FOXJ3: variants seen among roughly 807,000 people sequenced by gnomAD.
The protein encoded by FOXJ3 is forkhead box J3.
Under a neutral mutation model 76.1 loss-of-function variants are expected in FOXJ3, and 22 were observed. That is an observed-to-expected ratio of 0.29 (90% CI 0.21 to 0.41). The LOEUF (loss-of-function observed/expected upper bound fraction) is 0.41. FOXJ3 is among the 10% of genes least tolerant of loss of function. The probability of loss-of-function intolerance (pLI) is 1.00; values close to 1 mark genes in which losing one functional copy is unlikely to be tolerated. For synonymous variants in FOXJ3, 269 were observed against 261.2 expected, an observed-to-expected ratio of 1.03 and a Z score of -0.29; for missense variants, 613 against 762.1, an observed-to-expected ratio of 0.80 and a Z score of 2.30.
chr1:42,256,781 A>G (rs2124597127), intron 4 of FOXJ3, among the ~76,000 whole-genome samples: 2 of 152,380 alleles, frequency 1.3e-5, no homozygotes, highest in South Asian at 4.1e-4. Flanking sequence ...ATTTACTAGT[A>G]ATTCTTTATT....
chr1:42,198,875 C>T (rs1480960902), intron 7 of FOXJ3, among the ~76,000 whole-genome samples: 1 of 152,084 alleles, frequency 6.6e-6, no homozygotes, highest in African/African-American at 2.4e-5. Context: ...TAAAGTAGAC[C>T]AAAATCTGTT....
Position 42,300,283 on chromosome 1 carries a change from A to G in FOXJ3, c.44+10767T>C, listed in dbSNP as rs540088134. ...TTAGCTGCCTTAGAGTTTCAACTAT[A>G]TAACTGCTTTATAGACTCGGTGAGC... On this transcript the variant is annotated intron_variant, in intron 2 of 12. Coordinates refer to ENST00000361346, the MANE Select transcript of FOXJ3 (RefSeq NM_014947.5). Among the ~76,000 whole-genome samples the G allele has an allele frequency of 4.6e-5, 7 of 152,328 alleles. No individual in the cohort carries two copies. In the South Asian group the frequency reaches 1.5e-3, roughly 32 times the overall value.
At chr1:42,234,708 C>T (rs1403675860) in intron 4 of FOXJ3, among the ~76,000 whole-genome samples, 1 of 152,172 alleles carries the variant, frequency 6.6e-6, no homozygotes, top group Admixed American at 6.5e-5. Context: ...GGTTGCAGAA[C>T]AGCAGATATT....
chr1:42,278,151 T>A (rs1570137715), intron 3 of FOXJ3, among the ~76,000 whole-genome samples, 197 bp downstream of exon 3: 1 of 152,278 alleles, frequency 6.6e-6, no homozygotes, highest in East Asian at 1.9e-4. Flanking sequence ...TCCTATAACA[T>A]AATCAAGCTT....
rs939054469 is a variant in FOXJ3 at position 42,329,810 on chromosome 1, A to T, written c.-18+5249T>A. 3.3e-5 allele frequency among the ~76,000 whole-genome samples: 5 copies of T among 152,206 alleles called. No homozygotes were observed. The East Asian group carries it at 9.6e-4, about 29-fold the overall frequency. On this transcript the variant is annotated intron_variant, in intron 1 of 12. Transcript: ENST00000361346. ...GATGTCAAGTTAAAATTGCTGTTTAACTGTTTCCCCAACTACATTCAAAAT... is the reference window on the plus strand; with the variant it reads ...GATGTCAAGTTAAAATTGCTGTTTATCTGTTTCCCCAACTACATTCAAAAT...
chr1:42,323,419 AAC>A (rs1382406858), intron 1 of FOXJ3, among the ~76,000 whole-genome samples: 2 of 152,166 alleles, frequency 1.3e-5, no homozygotes, highest in African/African-American at 2.4e-5. Context: ...TACAACAACG[AAC>A]AGTTTTAATA....
chr1:42,325,540 A>C (rs917631525), intron 1 of FOXJ3, among the ~76,000 whole-genome samples: 2 of 152,182 alleles, frequency 1.3e-5, no homozygotes, highest in African/African-American at 4.8e-5. Context: ...CAAAAGAGGG[A>C]ACAGATGAGC....
intron 3 of FOXJ3, among the ~76,000 whole-genome samples, chr1:42,277,209 C>T (rs566309750): frequency 2.4e-4 from 36 of 152,028 alleles, no homozygotes; most frequent in Non-Finnish European, 4.6e-4. Context: ...TTTGGCAGGC[C>T]GAAGCAGGAG....
At chr1:42,331,569 G>A (rs571477263) in intron 1 of FOXJ3, among the ~76,000 whole-genome samples, 63 of 152,216 alleles carry the variant, frequency 4.1e-4, no homozygotes, top group South Asian at 2.3e-3. Context: ...ACAAAAGACC[G>A]TATGTTGTAT....
Position 42,281,888 on chromosome 1 carries a change from G to A in FOXJ3, c.45-3216C>T, listed in dbSNP as rs1027736804. ...AGTCTGACCAACATGGTGAAACCCC[G>A]TCTCTACTAAAAATACAAAAATTAG... is the stretch of plus-strand genomic sequence containing the variant. On this transcript the variant is annotated intron_variant, in intron 2 of 12. Transcript: ENST00000361346. Among the ~76,000 whole-genome samples the A allele has an allele frequency of 6.3e-4, 96 of 152,046 alleles. 1 individual carries two copies. Among genetic ancestry groups the A allele is most frequent in the African/African-American group, 1.4e-4 (6 of 41,484 alleles).
intron 1 of FOXJ3, among the ~76,000 whole-genome samples, chr1:42,328,363 G>A (rs1291493145): frequency 6.6e-6 from 1 of 152,190 alleles, no homozygotes; most frequent in Non-Finnish European, 1.5e-5. Context: ...ATTCAGAACA[G>A]AGTTCTCTAA....
At chr1:42,308,073 C>A (rs1229791018) in intron 2 of FOXJ3, among the ~76,000 whole-genome samples, 1 of 152,156 alleles carries the variant, frequency 6.6e-6, no homozygotes, top group South Asian at 2.1e-4. Flanking sequence ...TTCACTTATA[C>A]ACAAATTGTC....
chr1:42,301,503 T>C (rs1654148804), intron 2 of FOXJ3, among the ~76,000 whole-genome samples: 1 of 152,130 alleles, frequency 6.6e-6, no homozygotes, highest in Non-Finnish European at 1.5e-5. Flanking sequence ...ACACCGGACT[T>C]CGTTCACTTA....
chr1:42,245,971 G>A (rs2124543793), intron 4 of FOXJ3, among the ~76,000 whole-genome samples: 1 of 152,194 alleles, frequency 6.6e-6, no homozygotes, highest in East Asian at 1.9e-4. Flanking sequence ...TCCATAGGCA[G>A]AAGAATGCTC....
At chr1:42,238,887 T>C (rs987279279) in intron 4 of FOXJ3, among the ~76,000 whole-genome samples, 1 of 152,184 alleles carries the variant, frequency 6.6e-6, no homozygotes, top group African/African-American at 2.4e-5. Context: ...TAAATCTACC[T>C]GGGGAGGACT....
At chr1:42,321,141 T>C (rs897370557) in intron 1 of FOXJ3, among the ~76,000 whole-genome samples, 2 of 152,182 alleles carry the variant, frequency 1.3e-5, no homozygotes, top group Non-Finnish European at 1.5e-5. Context: ...TATAATCATT[T>C]ATATCCCATT....
intron 2 of FOXJ3, among the ~76,000 whole-genome samples, chr1:42,283,097 G>A (rs993941965): frequency 2.0e-5 from 3 of 152,148 alleles, no homozygotes; most frequent in Non-Finnish European, 4.4e-5. Flanking sequence ...AGCACAGACT[G>A]ACAGGCAGCT....
chr1:42,233,936 A>G (rs1267818115), intron 4 of FOXJ3, among the ~76,000 whole-genome samples: 1 of 151,914 alleles, frequency 6.6e-6, no homozygotes, highest in Non-Finnish European at 1.5e-5. Context: ...TGGGTTTGTC[A>G]TAGACAGCTC....
chr1:42,184,501 G>GA (rs2124137552), intron 11 of FOXJ3, among the ~76,000 whole-genome samples: 1 of 152,100 alleles, frequency 6.6e-6, no homozygotes, highest in East Asian at 1.9e-4. Context: ...TATAGAGTCT[G>GA]AATGAGTGTA....
Sources: gnomAD v4.1 joint callset for allele counts (sites outside exome capture counted in the v4.1 genomes callset) on GRCh38, gnomAD v4.1.1 for gene constraint, MANE v1.5 for transcripts, NCBI Gene and HGNC (gene_info 2026-07-23, HGNC 2026-07-21) for gene names.